Variants in MSRA observed in about 807,000 individuals in gnomAD.
MSRA encodes the protein mitochondrial peptide methionine sulfoxide reductase.
Under a neutral mutation model 31.3 loss-of-function variants are expected in MSRA, and 54 were observed. The observed-to-expected ratio is 1.73, with a 90% confidence interval of 1.39 to 2.17. The LOEUF (loss-of-function observed/expected upper bound fraction) is 2.17, where lower values mean the gene tolerates loss of function less well. Among genes scored for constraint, MSRA ranks in the 30% most tolerant of loss-of-function variants. The pLI is 0.00. For synonymous variants in MSRA, 169 were observed against 116.5 expected, an observed-to-expected ratio of 1.45 and a Z score of -2.90; for missense variants, 507 against 300.9, an observed-to-expected ratio of 1.69 and a Z score of -5.07.
intron 1 of MSRA, among the ~76,000 whole-genome samples, chr8:10,158,739 T>C (rs541499281): frequency 6.6e-6 from 1 of 152,364 alleles, no homozygotes; most frequent in Non-Finnish European, 1.5e-5. Flanking sequence ...TTGTCTTAGA[T>C]ATGTATCTAG....
chr8:10,153,797 T>C (rs1040253289), intron 1 of MSRA, among the ~76,000 whole-genome samples: 1 of 152,240 alleles, frequency 6.6e-6, no homozygotes, highest in African/African-American at 2.4e-5. Flanking sequence ...AAAAAAATTC[T>C]AGAGCTAGAA....
intron 5 of MSRA, among the ~76,000 whole-genome samples, chr8:10,422,918 C>T (rs745902018): frequency 2.2e-4 from 33 of 152,248 alleles, no homozygotes; most frequent in Non-Finnish European, 5.9e-5. Flanking sequence ...AAAGTGGCCC[C>T]ATAGGGCCTG....
At chr8:10,266,732 T>C (rs1798768133) in intron 3 of MSRA, among the ~76,000 whole-genome samples, 1 of 152,216 alleles carries the variant, frequency 6.6e-6, no homozygotes, top group Non-Finnish European at 1.5e-5. Flanking sequence ...GCAATCCATT[T>C]TGATTAATTT....
At chr8:10,082,764 G>C (rs144731546) in intron 1 of MSRA, among the ~76,000 whole-genome samples, 64 of 152,258 alleles carry the variant, frequency 4.2e-4, no homozygotes, top group African/African-American at 1.4e-3. Flanking sequence ...TCACACGGTT[G>C]TGTGGTTGTG....
At chr8:10,217,271 C>T (rs1438969738) in intron 2 of MSRA, among the ~76,000 whole-genome samples, 1 of 152,196 alleles carries the variant, frequency 6.6e-6, no homozygotes, top group African/African-American at 2.4e-5. Context: ...GCTGATGGCA[C>T]CCTAGGAGTG....
intron 3 of MSRA, among the ~76,000 whole-genome samples, chr8:10,250,059 G>C (rs541116257): frequency 1.3e-5 from 2 of 152,234 alleles, no homozygotes; most frequent in South Asian, 2.1e-4. Flanking sequence ...ATGAAAGCTT[G>C]ATCTTTCACA....
chr8:10,199,063 A>G (rs772256616), intron 1 of MSRA, among the ~76,000 whole-genome samples: 1 of 152,174 alleles, frequency 6.6e-6, no homozygotes, highest in Admixed American at 6.5e-5. Flanking sequence ...TATCTGCATA[A>G]TATCAGTTCC....
chr8:10,174,220 G>A (rs1395539088), intron 1 of MSRA, among the ~76,000 whole-genome samples: 1 of 152,130 alleles, frequency 6.6e-6, no homozygotes, highest in Non-Finnish European at 1.5e-5. Context: ...GTGTGGAGAG[G>A]TAGGAGAGGG....
At chr8:10,391,536 G>A (rs1806747099) in intron 5 of MSRA, among the ~76,000 whole-genome samples, 1 of 152,146 alleles carries the variant, frequency 6.6e-6, no homozygotes, top group Admixed American at 6.6e-5. Context: ...GATAACTGTG[G>A]GCATTTTACT....
chr8:10,238,665 T>C (rs187810236), intron 2 of MSRA, among the ~76,000 whole-genome samples: 186 of 152,300 alleles, frequency 1.2e-3, no homozygotes, highest in African/African-American at 4.3e-3. Context: ...GGAGAAATAA[T>C]GGATTATTTA....
At chr8:10,334,902 T>TGATG (rs1563363562) in intron 5 of MSRA, among the ~76,000 whole-genome samples, 1 of 152,180 alleles carries the variant, frequency 6.6e-6, no homozygotes, top group Non-Finnish European at 1.5e-5. Flanking sequence ...TCGGCCCACG[T>TGATG]GATGGCTGTT....
chr8:10,344,726 T>C (rs1371617735), intron 5 of MSRA, among the ~76,000 whole-genome samples: 1 of 152,124 alleles, frequency 6.6e-6, no homozygotes, highest in African/African-American at 2.4e-5. Flanking sequence ...CAGGTTTGCA[T>C]GTCAGGGATA....
chr8:10,145,187 A>T (rs1803036561), intron 1 of MSRA, among the ~76,000 whole-genome samples: 1 of 152,210 alleles, frequency 6.6e-6, no homozygotes, highest in African/African-American at 2.4e-5. Flanking sequence ...GGGCCTATGC[A>T]GTGCGAGGCG....
At position 10,171,368 on chromosome 8, in the gene MSRA, CTT is replaced by C. The variant is rs5889322; in HGVS notation, c.143-36450_143-36449del. ...GAGCACTATCCCAATTTAAACTGTA[CTT>C]TTTTTTTTTTTTTTAACAGAGCTTT... On this transcript the variant is annotated intron_variant, in intron 1 of 5. Coordinates refer to ENST00000317173, the MANE Select transcript of MSRA (RefSeq NM_012331.5). Among the ~76,000 whole-genome samples, 345 of 143,246 alleles carry C rather than the reference CTT, an allele frequency of 2.4e-3. 1 individual carries two copies. Among genetic ancestry groups the C allele is most frequent in the East Asian group, 6.6e-3 (33 of 4,978 alleles). The allele number at this position is 143,246 out of a possible 152,430, so 94.0% of individuals were successfully genotyped here. A position where few individuals can be genotyped will look rare whatever the true frequency, so the allele number is the denominator to read the frequency against.
intron 2 of MSRA, among the ~76,000 whole-genome samples, chr8:10,241,126 C>T (rs554227690): frequency 2.9e-4 from 44 of 152,288 alleles, no homozygotes; most frequent in African/African-American, 9.6e-4. Flanking sequence ...GCCACATCAT[C>T]CCCTAGTGCT....
intron 1 of MSRA, among the ~76,000 whole-genome samples, chr8:10,100,966 C>G (rs1041074571): frequency 7.2e-5 from 11 of 152,288 alleles, no homozygotes; most frequent in African/African-American, 2.4e-4. Flanking sequence ...TCATTTATAT[C>G]TCTTTTCCTA....
At chr8:10,353,394 G>A (rs1267402179) in intron 5 of MSRA, among the ~76,000 whole-genome samples, 1 of 152,212 alleles carries the variant, frequency 6.6e-6, no homozygotes, top group Non-Finnish European at 1.5e-5. Context: ...GCCGTCCGTG[G>A]CGTGTACGGA....
At chr8:10,389,737 T>C (rs1304407175) in intron 5 of MSRA, among the ~76,000 whole-genome samples, 1 of 138,540 alleles carries the variant, frequency 7.2e-6, no homozygotes, top group Non-Finnish European at 1.6e-5. Flanking sequence ...TTTCAGAAGC[T>C]TGCTTTTTTT....
chr8:10,201,360 C>T (rs983123835), intron 1 of MSRA, among the ~76,000 whole-genome samples: 1 of 152,074 alleles, frequency 6.6e-6, no homozygotes, highest in African/African-American at 2.4e-5. Context: ...TAGTCTGATC[C>T]AAGACTCTTC....
Sources: allele counts gnomAD v4.1 joint callset (sites outside exome capture counted in the v4.1 genomes callset), GRCh38; gene constraint gnomAD v4.1.1; transcripts MANE v1.5; gene names NCBI Gene and HGNC (gene_info 2026-07-23, HGNC 2026-07-21).